GGTLC1: variants seen among roughly 807,000 people sequenced by gnomAD.
GGTLC1 encodes glutathione hydrolase light chain 1.
GGTLC1 carries 14 observed loss-of-function variants against 19.5 expected under a neutral mutation model. The observed-to-expected ratio is 0.72, with a 90% confidence interval of 0.47 to 1.12. The LOEUF is 1.12. GGTLC1 is among the 50% of genes most tolerant of loss of function. The pLI is 0.00. For synonymous variants in GGTLC1, 110 were observed against 124.2 expected (o/e 0.89, Z 0.76); for missense variants, 304 against 309.2 (o/e 0.98, Z 0.13).
At chr20:23,987,082 A>G (rs2122426176) in intron 1 of GGTLC1, among the ~76,000 whole-genome samples, 1 of 152,264 alleles carries the variant, frequency 6.6e-6, no homozygotes, top group South Asian at 2.1e-4. Flanking sequence ...TTCTCAGAGG[A>G]GGCAATGTGT....
At chr20:23,986,005 C>G (rs377418874) in intron 3 of GGTLC1, 31 bp from the exon 4 acceptor site, 11 of 1,611,848 alleles carry the variant, frequency 6.8e-6, no homozygotes, top group South Asian at 3.3e-5. Flanking sequence ...CAGGGATGCC[C>G]GTCAGCTGCC....
chr20:23,985,995 C>G (rs760578718), intron 3 of GGTLC1, 21 bp from the exon 4 acceptor site: 6 of 1,611,998 alleles, frequency 3.7e-6, no homozygotes, highest in Non-Finnish European at 5.1e-6. Flanking sequence ...TGGGAGAAGA[C>G]AGGGATGCCC....
chr20:23,985,499 G>T, intron 5 of GGTLC1, 137 bp from the exon 6 acceptor site: 2 of 1,591,770 alleles, frequency 1.3e-6, no homozygotes, highest in East Asian at 2.2e-5. Flanking sequence ...GGGCCTGCTG[G>T]GTCTCATTGG....
rs780668622 is a variant in GGTLC1, at chr20:23,985,973, C to A, written c.306G>T (p.Gly102=). 6.2e-7 allele frequency: 1 copy of A among 1,612,010 alleles called. No homozygotes were observed. The highest frequency in any genetic ancestry group is 8.5e-7 in the Non-Finnish European group (1 of 1,179,866). Residue 102 remains glycine (G), a splice_region_variant and synonymous_variant, in exon 4 of 6, where the codon GGG becomes GGT. Coordinates refer to ENST00000335694, the MANE Select transcript of GGTLC1 (RefSeq NM_178311.3). The part of the protein sequence containing the change: ...PPSPANFIQP[G]KQPLSSMCPT... ...GGCACATGGACGAGAGCGGCTGCTT[C>A]CCTGCGGCCAATGGGAGAAGACAGG...
intron 1 of GGTLC1, among the ~76,000 whole-genome samples, chr20:23,987,945 C>CT (rs779194859): frequency 4.5e-5 from 6 of 132,574 alleles, no homozygotes; most frequent in Non-Finnish European, 7.8e-5. Context: ...ACTCCAGAGG[C>CT]TGAGGCAGGA....
rs1410878494 is a variant in GGTLC1, at chr20:23,988,108, G to C, written c.-35+501C>G. 4.4e-5 allele frequency among the ~76,000 whole-genome samples: 6 copies of C among 135,670 alleles called. No homozygotes were observed. The South Asian group carries it at 1.4e-3, about 31-fold the overall frequency. The allele number at this position is 135,670 out of a possible 152,430, so 89.0% of individuals were successfully genotyped here. A position where few individuals can be genotyped will look rare whatever the true frequency, so the allele number is the denominator to read the frequency against. ...TGCCCAGGCTGGAGTGCAGTGGCGT[G>C]ATCTCGGCACATCACAATCCCTTCC... On this transcript the variant is annotated intron_variant, in intron 1 of 5. Transcript: ENST00000335694.
At chr20:23,986,968 C>T (rs1987964898) in intron 1 of GGTLC1, 2 of 565,466 alleles carry the variant, frequency 3.5e-6, no homozygotes, top group Non-Finnish European at 5.6e-6. Flanking sequence ...AGGTCCTGCC[C>T]TCATGCCAAG....
At chr20:23,988,521 TTG>T in intron 1 of GGTLC1, 86 bp downstream of exon 1, 1 of 746,598 alleles carries the variant, frequency 1.3e-6, no homozygotes, top group Non-Finnish European at 1.6e-6. Context: ...CCCGCGACCT[TTG>T]TGCCCGTGTC....
intron 1 of GGTLC1, among the ~76,000 whole-genome samples, chr20:23,987,421 G>T (rs530832614): frequency 6.6e-6 from 1 of 152,302 alleles, no homozygotes; most frequent in South Asian, 2.1e-4. Context: ...GTGGGAGAAA[G>T]AGAAGAATCA....
rs1300844669 is a variant in GGTLC1, at chr20:23,985,667, C to T, written c.531G>A (p.Gln177=). The change falls in exon 5 of 6, where the codon CAG becomes CAA. Residue 177 remains glutamine (Q), a splice_region_variant and synonymous_variant. Transcript: ENST00000335694. Reference sequence around the variant, plus strand: ...TCAGTTTCTCCAACCCCCAGCCCACCTGGTCAATGTTTCTCTCCACTGTCG... The same window carrying T: ...TCAGTTTCTCCAACCCCCAGCCCACTTGGTCAATGTTTCTCTCCACTGTCG... ...NVTTVERNID[Q]EVTAALETRH... The T allele has an allele frequency of 5.6e-6, 9 of 1,611,990 alleles. No individual in the cohort carries two copies. In the East Asian group the frequency reaches 2.0e-4, roughly 36 times the overall value.
At chr20:23,987,831 C>T (rs1988024570) in intron 1 of GGTLC1, among the ~76,000 whole-genome samples, 1 of 150,342 alleles carries the variant, frequency 6.7e-6, no homozygotes, top group African/African-American at 2.4e-5. Context: ...GGGCGGATCA[C>T]GACGTCAGGA....
In GGTLC1 at chr20:23,985,138, G is replaced by A; in HGVS notation, c.*78C>T. 2 of 1,597,840 alleles carry A rather than the reference G, an allele frequency of 1.3e-6. No homozygotes were observed. Among genetic ancestry groups the A allele is most frequent in the Non-Finnish European group, 1.7e-6 (2 of 1,171,198 alleles). On this transcript the variant is annotated 3_prime_UTR_variant, in exon 6 of 6. Transcript: ENST00000335694. ...GCTCTGCTGCTCACAGGAGAAGCCT[G>A]TCCCCCAAAGTCCTCTTCCTCGTCC...
Position 23,986,093 on chromosome 20 carries a change from G to A in GGTLC1, c.287C>T (p.Ala96Val). The part of the protein sequence containing the change: ...TNEFGVPPSP[A>V]NFIQPGKQPL... ...CCCCATACCTGGCTGGATGAAATTG[G>A]CAGGTGAGGGGGGTACCCCAAACTC... Residue 96 changes from alanine (A) to valine (V), a missense_variant, in exon 3 of 6, where the codon GCC becomes GTC. Transcript: ENST00000335694. 6.2e-7 allele frequency: 1 copy of A among 1,613,788 alleles called. No homozygotes were observed. Among genetic ancestry groups the A allele is most frequent in the South Asian group, 1.1e-5 (1 of 91,052 alleles).
chr20:23,986,540 G>A lies in GGTLC1; in HGVS notation c.72C>T (p.Tyr24=), dbSNP rs571715945. 107 of 1,611,558 alleles carry A rather than the reference G, an allele frequency of 6.6e-5. No individual in the cohort carries two copies. In the Middle Eastern group the frequency reaches 1.4e-3, roughly 20 times the overall value. Residue 24 remains tyrosine, a synonymous_variant, in exon 2 of 6, where the codon TAC becomes TAT. Transcript: ENST00000335694. ...ISDDTTHPIS[Y]YKPEFYMPDD... is the part of the protein sequence containing the mutation. ...CCGGCATGTAGAACTCGGGCTTGTA[G>A]TAGGAGATCGGGTGAGTGGTGTCGT...
In GGTLC1 at chr20:23,985,334, T is replaced by A. The variant is rs1568596823; in HGVS notation, c.560A>T (p.His187Leu). Residue 187 changes from histidine to leucine, a missense_variant, in exon 6 of 6, where the codon CAC becomes CTC. His to Leu is a moderately conservative substitution (Grantham distance 99). Coordinates refer to ENST00000335694, the MANE Select transcript of GGTLC1 (RefSeq NM_178311.3). ...GGTGGACGTGATCTGGGTGTGATGG[T>A]GCCGGGTCTCCAGGGCTGCAGTCAC... ...QEVTAALETR[H>L]HHTQITSTFI... 1 of 1,611,932 alleles carries A rather than the reference T, an allele frequency of 6.2e-7. No homozygotes were observed. Among genetic ancestry groups the A allele is most frequent in the South Asian group, 1.1e-5 (1 of 90,992 alleles).
chr20:23,987,447 A>G (rs1358101530), intron 1 of GGTLC1, among the ~76,000 whole-genome samples: 3 of 152,324 alleles, frequency 2.0e-5, no homozygotes, highest in Admixed American at 2.0e-4. Context: ...GGCGCCGACT[A>G]GCGAGGTAAA....
At chr20:23,986,290 T>G in intron 2 of GGTLC1, 87 bp from the exon 3 acceptor site, 1 of 1,601,946 alleles carries the variant, frequency 6.2e-7, no homozygotes, top group Non-Finnish European at 8.5e-7. Flanking sequence ...ACATACTCAC[T>G]GAGAGGCTCA....
At chr20:23,985,544 C>T (rs1338795351) in intron 5 of GGTLC1, 123 bp downstream of exon 5, 17 of 1,586,190 alleles carry the variant, frequency 1.1e-5, no homozygotes, top group Non-Finnish European at 1.5e-5. Flanking sequence ...ACAGGGGCTC[C>T]AGATGGCCCA....
In GGTLC1 at chr20:23,986,073, T is replaced by C. The variant is rs1987884440; in HGVS notation, c.304+3A>G. Reference sequence around the variant, plus strand: ...CCCCCACCCTCGGACCTCCACCCCATACCTGGCTGGATGAAATTGGCAGGT... The same window carrying C: ...CCCCCACCCTCGGACCTCCACCCCACACCTGGCTGGATGAAATTGGCAGGT... On this transcript the variant is annotated splice_donor_region_variant and intron_variant, in intron 3 of 5. Coordinates refer to ENST00000335694, the MANE Select transcript of GGTLC1 (RefSeq NM_178311.3). 1 of 988,582 alleles carries C rather than the reference T, an allele frequency of 1.0e-6. No homozygotes were observed. The highest frequency in any genetic ancestry group is 1.8e-5 in the African/African-American group (1 of 56,458). The allele number at this position is 988,582 out of a possible 1,614,324, so 61.2% of individuals were successfully genotyped here. A position where few individuals can be genotyped will look rare whatever the true frequency, so the allele number is the denominator to read the frequency against.
Sources: allele counts gnomAD v4.1 joint callset (sites outside exome capture counted in the v4.1 genomes callset), GRCh38; gene constraint gnomAD v4.1.1; transcripts MANE v1.5; gene names NCBI Gene and HGNC (gene_info 2026-07-23, HGNC 2026-07-21).